The following RAP1GAP2 variants were observed in gnomAD, a reference collection of about 807,000 sequenced individuals.
RAP1GAP2 encodes the protein rap1 GTPase-activating protein 2.
In RAP1GAP2, 27 loss-of-function variants were observed where a neutral mutation model predicts 95.0. The observed-to-expected ratio is 0.28, with a 90% confidence interval of 0.21 to 0.39. The LOEUF is 0.39. Ranked by LOEUF, RAP1GAP2 falls within the 10% of genes least tolerant of loss-of-function variation. The probability of loss-of-function intolerance (pLI) is 1.00; values close to 1 mark genes in which losing one functional copy is unlikely to be tolerated. For missense variants in RAP1GAP2, 771 were observed against 970.0 expected (o/e 0.79, Z 2.72); for synonymous variants, 373 against 380.9 (o/e 0.98, Z 0.24).
chr17:3,012,730 G>A (rs1038948500), intron 17 of RAP1GAP2, among the ~76,000 whole-genome samples: 1 of 151,990 alleles, frequency 6.6e-6, no homozygotes, highest in African/African-American at 2.4e-5. Flanking sequence ...AGCCCATGGG[G>A]CCACTGGGGT....
chr17:2,850,749 CAA>C (rs11323119), intron 2 of RAP1GAP2, among the ~76,000 whole-genome samples: 8,634 of 91,154 alleles, frequency 0.095, 444 homozygotes, highest in East Asian at 0.21. Flanking sequence ...GACTCCACCT[CAA>C]AAAAAAAAAA....
chr17:2,902,725 C>T lies in RAP1GAP2; in HGVS notation c.81-2559C>T, dbSNP rs369467040. Among the ~76,000 whole-genome samples, 7 of 152,152 alleles carry T rather than the reference C, an allele frequency of 4.6e-5. No individual in the cohort carries two copies. The highest frequency in any genetic ancestry group is 2.1e-4 in the South Asian group (1 of 4,830). ...TGTGCTCCGACTTGAGAGTCTGCCT[C>T]GCTTCCTAGAGACCGGCCCCAGGAG... On this transcript the variant is annotated intron_variant, in intron 2 of 24. Coordinates refer to ENST00000254695, the MANE Select transcript of RAP1GAP2 (RefSeq NM_015085.5). The surrounding 1 kb of genome is among the most constrained non-coding windows in gnomAD (Gnocchi z 4.1).
chr17:2,873,959 G>GGC (rs1053655009), intron 2 of RAP1GAP2, among the ~76,000 whole-genome samples: 42 of 151,854 alleles, frequency 2.8e-4, no homozygotes, highest in African/African-American at 9.7e-4. Context: ...ACGCGGTGGG[G>GGC]GGGGGCGGGT....
Position 3,003,655 on chromosome 17 carries a change from A to G in RAP1GAP2, c.1201-1714A>G, listed in dbSNP as rs1026987007. On this transcript the variant is annotated intron_variant, in intron 14 of 24. Coordinates refer to ENST00000254695, the MANE Select transcript of RAP1GAP2 (RefSeq NM_015085.5). The surrounding 1 kb of genome is among the most constrained non-coding windows in gnomAD (Gnocchi z 4.1). Reference sequence around the variant, plus strand: ...CCATGCAGGTCCCTTCCCCAGAGTCACCTGCATCTGCCTCTCTCCCTCCCT... The same window carrying G: ...CCATGCAGGTCCCTTCCCCAGAGTCGCCTGCATCTGCCTCTCTCCCTCCCT... Among the ~76,000 whole-genome samples the G allele has an allele frequency of 2.0e-5, 3 of 151,930 alleles. No individual in the cohort carries two copies. Among genetic ancestry groups the G allele is most frequent in the Non-Finnish European group, 4.4e-5 (3 of 67,970 alleles).
intron 17 of RAP1GAP2, among the ~76,000 whole-genome samples, chr17:3,013,632 CTTTTTTTTTTTT>C (rs998163717): frequency 1.3e-5 from 1 of 78,878 alleles, no homozygotes; most frequent in Non-Finnish European, 2.2e-5. Context: ...CTTTTCTTTT[CTTTTTTTTTTTT>C]TTTTTTTTTG....
At chr17:2,978,232 G>A (rs1010014309) in intron 8 of RAP1GAP2, among the ~76,000 whole-genome samples, 6 of 152,000 alleles carry the variant, frequency 3.9e-5, no homozygotes, top group African/African-American at 1.2e-4. Flanking sequence ...TTCACCTTTC[G>A]ACTTAAAGGA....
chr17:2,768,335 T>C (rs1303989505), intron 1 of RAP1GAP2, among the ~76,000 whole-genome samples: 5 of 152,216 alleles, frequency 3.3e-5, no homozygotes, highest in Non-Finnish European at 4.4e-5. Flanking sequence ...TATTGTATGG[T>C]TTCTCTCCCC....
chr17:3,006,120 CTTTTTTTT>C (rs537126167), intron 16 of RAP1GAP2, 79 bp downstream of exon 16: 13 of 409,912 alleles, frequency 3.2e-5, no homozygotes, highest in East Asian at 8.3e-5. Context: ...GCTCCTCCAT[CTTTTTTTT>C]TTTTTTTTTT....
chr17:3,030,584 A>G lies in RAP1GAP2; in HGVS notation c.2108-338A>G, dbSNP rs369326438. On this transcript the variant is annotated intron_variant, in intron 22 of 24. Coordinates refer to ENST00000254695, the MANE Select transcript of RAP1GAP2 (RefSeq NM_015085.5). ...TCTTTAGGGTGTTTCTACCACATGG[A>G]TACAATAGACGTAAGAGCACAGATA... Among the ~76,000 whole-genome samples, 23 of 152,348 alleles carry G rather than the reference A, an allele frequency of 1.5e-4. 3 individuals are homozygous for G. Among genetic ancestry groups the G allele is most frequent in the Admixed American group, 1.0e-3 (16 of 15,304 alleles).
At chr17:2,979,875 A>T (rs934279358) in intron 8 of RAP1GAP2, among the ~76,000 whole-genome samples, 1 of 152,086 alleles carries the variant, frequency 6.6e-6, no homozygotes, top group Non-Finnish European at 1.5e-5. Flanking sequence ...CTGGCCTCAG[A>T]GAATCCTGAA....
chr17:2,811,728 C>T (rs969850685), intron 2 of RAP1GAP2, among the ~76,000 whole-genome samples: 8 of 152,056 alleles, frequency 5.3e-5, no homozygotes, highest in African/African-American at 1.9e-4. Context: ...CAGGCATGCG[C>T]CACCATTTCT....
chr17:2,897,971 A>G (rs2041895864), intron 2 of RAP1GAP2, among the ~76,000 whole-genome samples: 1 of 145,490 alleles, frequency 6.9e-6, no homozygotes, highest in Non-Finnish European at 1.5e-5. Context: ...CCCAGGCTGG[A>G]GTGCAGTGGC....
At position 2,963,636 on chromosome 17, in the gene RAP1GAP2, G is replaced by A. The variant is rs780626390; in HGVS notation, c.279+174G>A. On this transcript the variant is annotated intron_variant, in intron 6 of 24. Transcript: ENST00000254695. This position sits in a 1 kb window ranked among gnomAD's most constrained non-coding sequence, Gnocchi z 4.8. The stretch of plus-strand genomic sequence containing the variant: ...CAGCTTCTCCATGTGTTAAGTTGGG[G>A]GTGCTCATCTAGGCCTTTCAGCCCT... Among the ~76,000 whole-genome samples, 72 of 152,190 alleles carry A rather than the reference G, an allele frequency of 4.7e-4. No homozygotes were observed. Among genetic ancestry groups the A allele is most frequent in the Non-Finnish European group, 1.5e-4 (10 of 68,028 alleles).
At position 2,991,373 on chromosome 17, in the gene RAP1GAP2, C is replaced by T. The variant is rs144985620; in HGVS notation, c.890C>T (p.Thr297Met). 1.1e-5 allele frequency: 17 copies of T among 1,602,894 alleles called. No individual in the cohort carries two copies. Among genetic ancestry groups the T allele is most frequent in the East Asian group, 6.7e-5 (3 of 44,658 alleles). The change falls in exon 12 of 25, where the codon ACG (threonine) becomes ATG (methionine). Residue 297 changes from threonine (T) to methionine (M), a missense_variant. Physicochemically the swap from Thr to Met is moderately conservative, Grantham distance 81. Transcript: ENST00000254695. The stretch of plus-strand genomic sequence containing the variant: ...GAGTTCTTGGACCTGCTGGGGGACA[C>T]GATCACACTGCAGGATTTCAAAGGG... ...FKEFLDLLGDTITLQDFKGFR... is the reference protein window; with the variant it reads ...FKEFLDLLGDMITLQDFKGFR...
intron 3 of RAP1GAP2, among the ~76,000 whole-genome samples, chr17:2,954,269 T>C (rs2044028597): frequency 6.6e-6 from 1 of 152,034 alleles, no homozygotes; most frequent in East Asian, 2.0e-4. Context: ...CATGCCCAGC[T>C]AATTTTTTGT....
In RAP1GAP2 at chr17:3,027,532, G is replaced by A. The variant is rs2047164112; in HGVS notation, c.2107+462G>A. On this transcript the variant is annotated intron_variant, in intron 22 of 24. Coordinates refer to ENST00000254695, the MANE Select transcript of RAP1GAP2 (RefSeq NM_015085.5). This position sits in a 1 kb window ranked among gnomAD's most constrained non-coding sequence, Gnocchi z 5.2. Reference sequence around the variant, plus strand: ...AAAGGCCCAGAGGAGAGGAGAGAGCGGGTATTCCGGAACTGCACGTGTTCA... The same window carrying A: ...AAAGGCCCAGAGGAGAGGAGAGAGCAGGTATTCCGGAACTGCACGTGTTCA... Among the ~76,000 whole-genome samples the A allele has an allele frequency of 6.6e-6, 1 of 152,088 alleles. No homozygotes were observed. The highest frequency in any genetic ancestry group is 6.6e-5 in the Admixed American group (1 of 15,256).
chr17:2,758,962 T>C (rs2071198480), intron 1 of RAP1GAP2, among the ~76,000 whole-genome samples: 1 of 151,934 alleles, frequency 6.6e-6, no homozygotes, highest in Non-Finnish European at 1.5e-5. Flanking sequence ...GCTGGGGCCA[T>C]AGTTGAGGTC....
In RAP1GAP2 at chr17:2,963,413, T is replaced by C. The variant is rs1225801568; in HGVS notation, c.247-17T>C. ...ACTGCCGGGACTAACGGTGGCATCA[T>C]CTGGTTTGTCTTGCAGGACGACTAT... On this transcript the variant is annotated splice_polypyrimidine_tract_variant and intron_variant, in intron 5 of 24. Transcript: ENST00000254695. The surrounding 1 kb of genome is among the most constrained non-coding windows in gnomAD (Gnocchi z 4.8). 1 of 1,612,866 alleles carries C rather than the reference T, an allele frequency of 6.2e-7. No homozygotes were observed. The highest frequency in any genetic ancestry group is 1.1e-5 in the South Asian group (1 of 91,054).
intron 1 of RAP1GAP2, among the ~76,000 whole-genome samples, chr17:2,758,171 G>C (rs1392651112): frequency 2.9e-5 from 3 of 104,636 alleles, no homozygotes; most frequent in Admixed American, 1.0e-4. Flanking sequence ...GCCTGGCCAC[G>C]CCCCCCCCCC....
Sources: gnomAD v4.1 joint callset for allele counts (sites outside exome capture counted in the v4.1 genomes callset) on GRCh38, gnomAD v4.1.1 for gene constraint, Gnocchi (gnomAD v3.1) non-coding constraint, MANE v1.5 for transcripts, NCBI Gene and HGNC (gene_info 2026-07-23, HGNC 2026-07-21) for gene names.